The following COL6A3 variants were observed in gnomAD, a reference collection of about 807,000 sequenced individuals.
COL6A3 encodes collagen alpha-3(VI) chain.
A neutral mutation model predicts 274.1 loss-of-function variants in COL6A3; 137 were observed. That is an observed-to-expected ratio of 0.50 (90% CI 0.44 to 0.58). The LOEUF (loss-of-function observed/expected upper bound fraction) is 0.58. COL6A3 is among the 20% of genes least tolerant of loss of function. The pLI is 0.00. For missense variants in COL6A3, 3,950 were observed against 4,124.9 expected (o/e 0.96, Z 1.16); for synonymous variants, 1,650 against 1,650.6 (o/e 1.00, Z 0.01).
intron 26 of COL6A3, among the ~76,000 whole-genome samples, 180 bp from the exon 27 acceptor site, chr2:237,351,372 T>C (rs2077203323): frequency 6.6e-6 from 1 of 152,234 alleles, no homozygotes; most frequent in South Asian, 2.1e-4. Context: ...AATATAAACA[T>C]GCACAGAAAT....
At position 237,406,510 on chromosome 2, in the gene COL6A3, C is replaced by T. The variant is rs189786643; in HGVS notation, c.-31+7443G>A. ...TAGTCAAAGACCACAGTGGGAGAGCCGTGCACACTGACTGTGAAATAGAAA... is the reference window on the plus strand; with the variant it reads ...TAGTCAAAGACCACAGTGGGAGAGCTGTGCACACTGACTGTGAAATAGAAA... On this transcript the variant is annotated intron_variant, in intron 1 of 43. Transcript: ENST00000295550. 9.9e-5 allele frequency among the ~76,000 whole-genome samples: 15 copies of T among 152,248 alleles called. No individual in the cohort carries two copies. The East Asian group carries it at 1.2e-3, about 12-fold the overall frequency.
intron 10 of COL6A3, among the ~76,000 whole-genome samples, chr2:237,367,892 ATGAGAGACAG>A (rs1180702746): frequency 1.3e-5 from 2 of 152,176 alleles, no homozygotes; most frequent in Admixed American, 1.3e-4. Flanking sequence ...AGGAGAAAGG[ATGAGAGACAG>A]TGTGAGGGAT....
Position 237,340,476 on chromosome 2 carries a change from T to A in COL6A3, c.8440A>T (p.Arg2814Trp), listed in dbSNP as rs1553546042. Reference protein sequence around the residue: ...LNEEPLMRFGRLLPSFVSSEN... With the variant: ...LNEEPLMRFGWLLPSFVSSEN... ...CTGCTGACGAAGGATGGCAACAGCCTCCCGAAGCGCATCAAAGGCTCCTCG... is the reference window on the plus strand; with the variant it reads ...CTGCTGACGAAGGATGGCAACAGCCACCCGAAGCGCATCAAAGGCTCCTCG... Residue 2814 changes from arginine to tryptophan, a missense_variant, in exon 38 of 44, where the codon AGG (arginine) becomes TGG (tryptophan). Arg to Trp is a moderately radical substitution (Grantham distance 101). Coordinates refer to ENST00000295550, the MANE Select transcript of COL6A3 (RefSeq NM_004369.4). The A allele has an allele frequency of 5.0e-6, 8 of 1,613,542 alleles. No homozygotes were observed. Among genetic ancestry groups the A allele is most frequent in the Non-Finnish European group, 6.8e-6 (8 of 1,179,986 alleles).
chr2:237,357,930 C>A (rs771041478), intron 21 of COL6A3, 48 bp from the exon 22 acceptor site: 4 of 1,536,382 alleles, frequency 2.6e-6, no homozygotes, highest in Admixed American at 1.7e-5. Flanking sequence ...GGAAGGAAAG[C>A]AGCTGCCACT....
chr2:237,346,605 A>T, intron 31 of COL6A3, 40 bp from the exon 32 acceptor site: 1 of 1,582,400 alleles, frequency 6.3e-7, no homozygotes, highest in Non-Finnish European at 8.7e-7. Flanking sequence ...CTGTGTCAGA[A>T]AGTGGAGAAT....
At chr2:237,365,659 A>G (rs777194078) in intron 12 of COL6A3, 39 bp downstream of exon 12, 2 of 1,603,702 alleles carry the variant, frequency 1.2e-6, no homozygotes, top group Admixed American at 3.3e-5. Flanking sequence ...AAATTTGGAA[A>G]TTTCCCAGGG....
intron 4 of COL6A3, 84 bp from the exon 5 acceptor site, chr2:237,381,583 T>A: frequency 1.8e-6 from 2 of 1,139,084 alleles, no homozygotes; most frequent in East Asian, 2.5e-5. Context: ...TAACTCCATT[T>A]AAAGGACACC....
rs1310932886 is a variant in COL6A3, at chr2:237,365,791, C to T, written c.5745G>A (p.Arg1915=). Residue 1915 remains arginine (R), a synonymous_variant, in exon 12 of 44, where the codon CGG becomes CGA. Transcript: ENST00000295550. The part of the protein sequence containing the change: ...EYQPEMLEKF[R]NMRSQHPYVL... Reference sequence around the variant, plus strand: ...CGTAGGGGTGCTGGCTGCGCATGTTCCGGAACTTCTCGAGCATCTCTGGCT... The same window carrying T: ...CGTAGGGGTGCTGGCTGCGCATGTTTCGGAACTTCTCGAGCATCTCTGGCT... 1.9e-6 allele frequency: 3 copies of T among 1,614,060 alleles called. No individual in the cohort carries two copies. Among genetic ancestry groups the T allele is most frequent in the Admixed American group, 1.7e-5 (1 of 60,006 alleles).
At position 237,361,211 on chromosome 2, in the gene COL6A3, T is replaced by A. The variant is rs766121069; in HGVS notation, c.6157-37A>T. 1.3e-6 allele frequency: 2 copies of A among 1,598,108 alleles called. No homozygotes were observed. The highest frequency in any genetic ancestry group is 2.2e-5 in the South Asian group (2 of 90,672). ...TAATCGGGTCCTCTGTTTAATCCCGTGGTCTTCTTTGCTCTACAGTAAGAA... is the reference window on the plus strand; with the variant it reads ...TAATCGGGTCCTCTGTTTAATCCCGAGGTCTTCTTTGCTCTACAGTAAGAA... On this transcript the variant is annotated intron_variant, in intron 15 of 43. Coordinates refer to ENST00000295550, the MANE Select transcript of COL6A3 (RefSeq NM_004369.4). This position sits in a 1 kb window ranked among gnomAD's most constrained non-coding sequence, Gnocchi z 5.1.
intron 3 of COL6A3, among the ~76,000 whole-genome samples, chr2:237,392,750 C>T (rs2078324250): frequency 6.6e-6 from 1 of 152,214 alleles, no homozygotes; most frequent in African/African-American, 2.4e-5. Context: ...GTTCAGCCTG[C>T]GTTCACACTG....
chr2:237,385,395 CA>C (rs1281040319), intron 4 of COL6A3, among the ~76,000 whole-genome samples: 1 of 152,198 alleles, frequency 6.6e-6, no homozygotes, highest in African/African-American at 2.4e-5. Context: ...AAATCTGAAA[CA>C]AGGGTCATGT....
Position 237,359,074 on chromosome 2 carries a change from C to T in COL6A3, c.6369G>A (p.Leu2123=), listed in dbSNP as rs2646254. The change falls in exon 20 of 44, where the codon TTG becomes TTA. Residue 2123 remains leucine (L), a synonymous_variant. Transcript: ENST00000295550. ...TCCCTTTCTCTCCAGAAGAACCAGG[C>T]AATCCTTTGTCTCCCTGCCAAAGAC... ...GLDGEDGDKG[L]PGSSGEKGNP... The T allele has an allele frequency of 0.17, 279,254 of 1,612,952 alleles. 30,488 individuals are homozygous for T. The highest frequency in any genetic ancestry group is 0.48 in the African/African-American group (35,762 of 74,900).
chr2:237,368,970 G>A lies in COL6A3; in HGVS notation c.4493C>T (p.Pro1498Leu), dbSNP rs146629310. The A allele has an allele frequency of 1.1e-5, 17 of 1,614,096 alleles. No homozygotes were observed. The highest frequency in any genetic ancestry group is 2.7e-5 in the African/African-American group (2 of 74,938). Residue 1498 changes from proline to leucine, a missense_variant, in exon 10 of 44, where the codon CCG becomes CTG. By Grantham distance (98) the Pro-to-Leu change is moderately conservative (BLOSUM62 -3). Transcript: ENST00000295550. This position sits in a 1 kb window ranked among gnomAD's most constrained non-coding sequence, Gnocchi z 4.4. ...FYLKTYRSQAPVLDAIRRLRL... is the reference protein window; with the variant it reads ...FYLKTYRSQALVLDAIRRLRL... ...CAGGCGCCGTATGGCGTCCAGCACCGGGGCCTGGGATCTGTAGGTTTTCAG... is the reference window on the plus strand; with the variant it reads ...CAGGCGCCGTATGGCGTCCAGCACCAGGGCCTGGGATCTGTAGGTTTTCAG...
chr2:237,374,648 A>C lies in COL6A3; in HGVS notation c.3443T>G (p.Val1148Gly). ...CTTCACGACCACGGAGGGGTTCCGC[A>C]CATCATCCCCAGACCTGTCGGCCGT... Reference protein sequence around the residue: ...VLTADRSGDDVRNPSVVVKRG... With the variant: ...VLTADRSGDDGRNPSVVVKRG... The change falls in exon 8 of 44, where the codon GTG becomes GGG. Residue 1148 changes from valine (V) to glycine (G), a missense_variant. Val to Gly is a moderately radical substitution (Grantham distance 109). Coordinates refer to ENST00000295550, the MANE Select transcript of COL6A3 (RefSeq NM_004369.4). The surrounding 1 kb of genome is among the most constrained non-coding windows in gnomAD (Gnocchi z 4.8). 1.9e-6 allele frequency: 3 copies of C among 1,614,124 alleles called. No individual in the cohort carries two copies. The highest frequency in any genetic ancestry group is 2.5e-6 in the Non-Finnish European group (3 of 1,180,020).
At chr2:237,339,200 A>T (rs2076933557) in intron 38 of COL6A3, 83 bp from the exon 39 acceptor site, 2 of 955,494 alleles carry the variant, frequency 2.1e-6, no homozygotes, top group African/African-American at 3.2e-5. Flanking sequence ...AAGTTAAATG[A>T]ATCACATAAC....
chr2:237,394,825 G>C lies in COL6A3; in HGVS notation c.471C>G (p.Gly157=). ...TAAGTTCCGCTGAGGGCAGAGCAAG[G>C]CCATCCTTCGAGTGTCCATCAGTTA... The part of the protein sequence containing the change: ...VVLTDGHSKD[G]LALPSAELKS... Residue 157 remains glycine (G), a synonymous_variant, in exon 3 of 44, where the codon GGC becomes GGG. Transcript: ENST00000295550. 4 of 1,614,136 alleles carry C rather than the reference G, an allele frequency of 2.5e-6. No individual in the cohort carries two copies. The highest frequency in any genetic ancestry group is 3.4e-6 in the Non-Finnish European group (4 of 1,180,022).
intron 3 of COL6A3, among the ~76,000 whole-genome samples, chr2:237,394,181 C>G (rs1323553494): frequency 1.3e-5 from 2 of 152,206 alleles, no homozygotes; most frequent in African/African-American, 4.8e-5. Flanking sequence ...TGCCCTCGCT[C>G]CCGTCTCAGT....
chr2:237,334,302 A>G (rs1482135259), intron 41 of COL6A3, among the ~76,000 whole-genome samples: 1 of 152,172 alleles, frequency 6.6e-6, no homozygotes, highest in African/African-American at 2.4e-5. Flanking sequence ...AGGAGCCCTC[A>G]CCGGGAGACG....
chr2:237,403,697 A>T lies in COL6A3; in HGVS notation c.-30-6850T>A, dbSNP rs79582233. On this transcript the variant is annotated intron_variant, in intron 1 of 43. Coordinates refer to ENST00000295550, the MANE Select transcript of COL6A3 (RefSeq NM_004369.4). ...AACACAATGTAGAAGAGCAGTCTCCAGTGCTTGTGCTGTGGTTTGATAATG... is the reference window on the plus strand; with the variant it reads ...AACACAATGTAGAAGAGCAGTCTCCTGTGCTTGTGCTGTGGTTTGATAATG... 5.9e-5 allele frequency among the ~76,000 whole-genome samples: 9 copies of T among 152,214 alleles called. No individual in the cohort carries two copies. The East Asian group carries it at 1.7e-3, about 29-fold the overall frequency.
Sources: allele counts gnomAD v4.1 joint callset (sites outside exome capture counted in the v4.1 genomes callset), GRCh38; gene constraint gnomAD v4.1.1; non-coding constraint Gnocchi (gnomAD v3.1); transcripts MANE v1.5; gene names NCBI Gene and HGNC (gene_info 2026-07-23, HGNC 2026-07-21).